The following RGS3 variants were observed in gnomAD, a reference collection of about 807,000 sequenced individuals.
RGS3 encodes the protein regulator of G-protein signalling 3.
A neutral mutation model predicts 132.6 loss-of-function variants in RGS3; 80 were observed. The ratio of observed to expected loss-of-function variants is 0.60; its 90% CI spans 0.50 to 0.73. RGS3 has a LOEUF of 0.73. Among genes scored for constraint, RGS3 ranks in the 30% least tolerant of loss-of-function variants. The pLI, the probability that RGS3 is intolerant of heterozygous loss-of-function variation, is 0.00. For synonymous variants in RGS3, 598 were observed against 620.6 expected, an observed-to-expected ratio of 0.96 and a Z score of 0.54; for missense variants, 1,382 against 1,530.8, an observed-to-expected ratio of 0.90 and a Z score of 1.62.
intron 6 of RGS3, among the ~76,000 whole-genome samples, chr9:113,484,475 C>T (rs1253374142): frequency 6.6e-6 from 1 of 152,180 alleles, no homozygotes; most frequent in Non-Finnish European, 1.5e-5. Context: ...TTGGCTAGCT[C>T]TCATAACTAA....
chr9:113,488,088 G>A (rs1012642388), intron 7 of RGS3, among the ~76,000 whole-genome samples: 1 of 152,196 alleles, frequency 6.6e-6, no homozygotes, highest in Non-Finnish European at 1.5e-5. Flanking sequence ...GGAAGGTTGA[G>A]GTGAGAGAGA....
intron 10 of RGS3, among the ~76,000 whole-genome samples, chr9:113,500,451 A>G (rs1315833954): frequency 6.6e-6 from 1 of 152,224 alleles, no homozygotes; most frequent in Non-Finnish European, 1.5e-5. Context: ...GCTGCTCTGC[A>G]GGATGCTATC....
intron 17 of RGS3, among the ~76,000 whole-genome samples, chr9:113,524,217 C>T (rs535359882): frequency 1.3e-5 from 2 of 152,336 alleles, no homozygotes; most frequent in South Asian, 4.1e-4. Flanking sequence ...ACCCCCAGCC[C>T]CTCCCTGGCT....
intron 6 of RGS3, among the ~76,000 whole-genome samples, chr9:113,485,172 C>T (rs949841428): frequency 2.6e-5 from 4 of 152,076 alleles, no homozygotes; most frequent in African/African-American, 9.7e-5. Context: ...ACTGTAAGCT[C>T]CGCCTCCTGG....
chr9:113,524,850 GAGGCCCC>G (rs1376661824), intron 17 of RGS3, among the ~76,000 whole-genome samples: 1 of 152,194 alleles, frequency 6.6e-6, no homozygotes, highest in Non-Finnish European at 1.5e-5. Context: ...TCCCCTTCTG[GAGGCCCC>G]AGGCCCCAGA....
intron 1 of RGS3, among the ~76,000 whole-genome samples, chr9:113,450,640 G>A (rs930316750): frequency 1.3e-5 from 2 of 152,076 alleles, no homozygotes; most frequent in African/African-American, 2.4e-5. Flanking sequence ...ACAGGTGAGC[G>A]CAGCAATAGG....
chr9:113,554,499 G>A (rs1299154636), intron 19 of RGS3, among the ~76,000 whole-genome samples: 1 of 152,192 alleles, frequency 6.6e-6, no homozygotes, highest in Non-Finnish European at 1.5e-5. Flanking sequence ...TAGAGATGGG[G>A]TTTCACCATG....
exon 2 of RGS3, chr9:113,461,720 A>T (rs1333868211): frequency 1.2e-6 from 2 of 1,613,956 alleles, no homozygotes; most frequent in Non-Finnish European, 1.7e-6. Flanking sequence ...ACATTCAGAC[A>T]GCACACCTTT....
intron 1 of RGS3, chr9:113,461,685 G>T: frequency 6.2e-7 from 1 of 1,606,726 alleles, no homozygotes; most frequent in Non-Finnish European, 8.5e-7. Context: ...CCCAGTGTGG[G>T]CCTCGGTCTT....
chr9:113,547,205 C>CT (rs1833152438), intron 19 of RGS3, among the ~76,000 whole-genome samples: 1 of 152,128 alleles, frequency 6.6e-6, no homozygotes, highest in South Asian at 2.1e-4. Flanking sequence ...CCTCGGTACT[C>CT]TAATACCAGG....
chr9:113,519,915 G>C (rs1831857257), intron 16 of RGS3, among the ~76,000 whole-genome samples: 1 of 152,152 alleles, frequency 6.6e-6, no homozygotes, highest in South Asian at 2.1e-4. Context: ...GGCCCTGTGC[G>C]AGGTTCTGGG....
chr9:113,536,741 C>T, intron 18 of RGS3, 55 bp from the exon 17 acceptor site: 1 of 1,591,250 alleles, frequency 6.3e-7, no homozygotes. Flanking sequence ...CCTGGGAGCC[C>T]CCTGAACCAG....
intron 15 of RGS3, among the ~76,000 whole-genome samples, chr9:113,516,890 G>A (rs886473620): frequency 1.3e-5 from 2 of 152,192 alleles, no homozygotes; most frequent in Non-Finnish European, 2.9e-5. Flanking sequence ...CTTGCTTGAT[G>A]TCATGTACTT....
rs576310335 is a variant in RGS3 at position 113,471,656 on chromosome 9, G to GCT, written c.416-7825_416-7824dup. On this transcript the variant is annotated intron_variant, in intron 3 of 24. Transcript: ENST00000350696. Reference sequence around the variant, plus strand: ...TCTTCCGTCCCTTCCTCCCCTCCCCGCTCTCTCTCTCCGTCCCTCCTTTCT... The same window carrying GCT: ...TCTTCCGTCCCTTCCTCCCCTCCCCGCTCTCTCTCTCTCCGTCCCTCCTTTCT... Among the ~76,000 whole-genome samples the GCT allele has an allele frequency of 2.1e-5, 3 of 142,008 alleles. No individual in the cohort carries two copies. In the East Asian group the frequency reaches 6.2e-4, roughly 29 times the overall value. The allele number at this position is 142,008 out of a possible 152,430, so 93.2% of individuals were successfully genotyped here.
At chr9:113,549,202 C>T (rs1833232126) in intron 19 of RGS3, among the ~76,000 whole-genome samples, 1 of 152,204 alleles carries the variant, frequency 6.6e-6, no homozygotes. Flanking sequence ...CTAGCTCTTC[C>T]TCTCACTAGC....
chr9:113,450,829 G>A (rs778138269), intron 1 of RGS3, among the ~76,000 whole-genome samples: 5 of 152,136 alleles, frequency 3.3e-5, no homozygotes, highest in Non-Finnish European at 5.9e-5. Flanking sequence ...GCATAATGAG[G>A]AAGACAATGG....
At chr9:113,475,927 TTC>T (rs1829979082) in intron 3 of RGS3, among the ~76,000 whole-genome samples, 1 of 152,074 alleles carries the variant, frequency 6.6e-6, no homozygotes, top group South Asian at 2.1e-4. Context: ...TCTATTTTTT[TTC>T]TTTTTCTTTT....
chr9:113,558,463 A>T (rs1833656838), intron 19 of RGS3, among the ~76,000 whole-genome samples: 1 of 152,140 alleles, frequency 6.6e-6, no homozygotes, highest in Non-Finnish European at 1.5e-5. Flanking sequence ...AGATTGTGCC[A>T]TTGCACTCCA....
In RGS3 at chr9:113,512,608, G is replaced by A. The variant is rs571273148; in HGVS notation, c.1478-1850G>A. Among the ~76,000 whole-genome samples, 5 of 152,244 alleles carry A rather than the reference G, an allele frequency of 3.3e-5. No individual in the cohort carries two copies. In the South Asian group the frequency reaches 6.2e-4, roughly 19 times the overall value. On this transcript the variant is annotated intron_variant, in intron 14 of 24. Coordinates refer to ENST00000350696, the Ensembl canonical transcript of RGS3. ...GTTTTATCTCCGAGGCTGTGGGTGC[G>A]CGTTGGTGGGGAGCTTCCCTGAGGT...
Sources: allele counts gnomAD v4.1 joint callset (sites outside exome capture counted in the v4.1 genomes callset), GRCh38; gene constraint gnomAD v4.1.1; transcripts MANE v1.5; gene names NCBI Gene and HGNC (gene_info 2026-07-23, HGNC 2026-07-21).